ULK4: variants seen among roughly 807,000 people sequenced by gnomAD.
ULK4 encodes unc-51 like kinase 4.
ULK4 carries 133 observed loss-of-function variants against 160.6 expected under a neutral mutation model. The observed-to-expected ratio is 0.83, with a 90% CI of 0.72 to 0.96. The LOEUF (loss-of-function observed/expected upper bound fraction) is 0.96, where lower values mean the gene tolerates loss of function less well. Among genes scored for constraint, ULK4 ranks in the 40% least tolerant of loss-of-function variants. ULK4 has a pLI of 0.00. For missense variants in ULK4, 1,580 were observed against 1,499.5 expected (o/e 1.05, Z -0.89); for synonymous variants, 534 against 539.8 (o/e 0.99, Z 0.15).
At chr3:41,469,615 A>AAAAAAAAAAAAAAC in intron 32 of ULK4, among the ~76,000 whole-genome samples, 1 of 148,202 alleles carries the variant, frequency 6.7e-6, no homozygotes, top group African/African-American at 2.5e-5. Context: ...AAAAAAAAAA[A>AAAAAAAAAAAAAAC]AAAAAAAAAA....
chr3:41,405,976 G>T (rs1575521024), intron 34 of ULK4, among the ~76,000 whole-genome samples: 1 of 152,068 alleles, frequency 6.6e-6, no homozygotes, highest in Non-Finnish European at 1.5e-5. Flanking sequence ...GTTTAATCAG[G>T]TCCTGTCCAT....
chr3:41,721,358 A>T (rs867934381), intron 22 of ULK4, among the ~76,000 whole-genome samples: 102 of 61,248 alleles, frequency 1.7e-3, no homozygotes, highest in African/African-American at 8.8e-3. Flanking sequence ...ATATATATAT[A>T]TATATTTTTT....
intron 35 of ULK4, among the ~76,000 whole-genome samples, chr3:41,305,312 G>A (rs1379755312): frequency 6.6e-6 from 1 of 152,100 alleles, no homozygotes; most frequent in African/African-American, 2.4e-5. Flanking sequence ...TGCCATCTCG[G>A]CTCACTGCAA....
chr3:41,764,212 T>C (rs903705983), intron 21 of ULK4, among the ~76,000 whole-genome samples: 3 of 152,244 alleles, frequency 2.0e-5, no homozygotes, highest in South Asian at 2.1e-4. Flanking sequence ...TGTTTATGTA[T>C]ATTTAAATAC....
At chr3:41,662,250 C>T (rs2035200603) in intron 30 of ULK4, among the ~76,000 whole-genome samples, 1 of 152,210 alleles carries the variant, frequency 6.6e-6, no homozygotes, top group African/African-American at 2.4e-5. Context: ...AAACACTTTG[C>T]TTCCAATTGG....
intron 35 of ULK4, among the ~76,000 whole-genome samples, chr3:41,355,352 T>A (rs2081009262): frequency 6.6e-6 from 1 of 152,144 alleles, no homozygotes; most frequent in Non-Finnish European, 1.5e-5. Flanking sequence ...CCAAAAATGC[T>A]CTTGGGCTTG....
Position 41,376,956 on chromosome 3 carries a change from A to G in ULK4, c.3678+21123T>C, listed in dbSNP as rs200101819. ...AAAAGAACAAAGCTGGAGGCATCAC[A>G]CTACCTGACTTCAAACTATACTACA... On this transcript the variant is annotated intron_variant, in intron 35 of 36. Transcript: ENST00000301831. Among the ~76,000 whole-genome samples, 378 of 150,220 alleles carry G rather than the reference A, an allele frequency of 2.5e-3. 2 individuals are homozygous for G. Among genetic ancestry groups the G allele is most frequent in the East Asian group, 0.013 (61 of 4,818 alleles).
At chr3:41,885,225 T>C (rs1419897258) in intron 16 of ULK4, among the ~76,000 whole-genome samples, 1 of 152,210 alleles carries the variant, frequency 6.6e-6, no homozygotes, top group Non-Finnish European at 1.5e-5. Flanking sequence ...AAAGTAAATA[T>C]TGGCTACCAG....
intron 33 of ULK4, among the ~76,000 whole-genome samples, chr3:41,456,057 T>C (rs187886156): frequency 1.3e-5 from 2 of 152,272 alleles, no homozygotes; most frequent in East Asian, 3.9e-4. Flanking sequence ...TTACAGGCTC[T>C]TGCCACCACA....
intron 32 of ULK4, among the ~76,000 whole-genome samples, chr3:41,517,593 T>C (rs1162773892): frequency 1.3e-5 from 2 of 152,238 alleles, no homozygotes; most frequent in Non-Finnish European, 2.9e-5. Flanking sequence ...CTTTCGGCTA[T>C]TTTGTTATAG....
At chr3:41,460,229 G>A (rs1452560498) in intron 33 of ULK4, among the ~76,000 whole-genome samples, 1 of 152,120 alleles carries the variant, frequency 6.6e-6, no homozygotes, top group Non-Finnish European at 1.5e-5. Flanking sequence ...CCTACTATCA[G>A]GAGGATGAGG....
At chr3:41,595,300 T>C (rs1575463898) in intron 31 of ULK4, among the ~76,000 whole-genome samples, 1 of 152,106 alleles carries the variant, frequency 6.6e-6, no homozygotes, top group Non-Finnish European at 1.5e-5. Context: ...TGCCCACTGA[T>C]CCTGCCGCGG....
At chr3:41,841,498 C>T (rs1281067842) in intron 17 of ULK4, among the ~76,000 whole-genome samples, 1 of 151,360 alleles carries the variant, frequency 6.6e-6, no homozygotes, top group Non-Finnish European at 1.5e-5. Flanking sequence ...CCGGCTGCCC[C>T]ACCTGGGAAG....
chr3:41,306,960 A>G (rs919615766), intron 35 of ULK4, among the ~76,000 whole-genome samples: 3 of 150,902 alleles, frequency 2.0e-5, no homozygotes, highest in African/African-American at 7.3e-5. Context: ...ATGCTCGTTA[A>G]GAGTCATCAC....
At chr3:41,790,231 C>A (rs1326293633) in intron 20 of ULK4, among the ~76,000 whole-genome samples, 10 of 152,322 alleles carry the variant, frequency 6.6e-5, no homozygotes, top group Admixed American at 1.3e-4. Context: ...GAAACACTAT[C>A]TGTAAATATC....
intron 29 of ULK4, among the ~76,000 whole-genome samples, chr3:41,666,669 C>T (rs993363651): frequency 2.0e-5 from 3 of 152,136 alleles, no homozygotes; most frequent in African/African-American, 7.2e-5. Context: ...AGGACGGACC[C>T]ACAAGCCTAT....
At position 41,575,523 on chromosome 3, in the gene ULK4, T is replaced by C. The variant is rs561404431; in HGVS notation, c.3121-9393A>G. On this transcript the variant is annotated intron_variant, in intron 31 of 36. Transcript: ENST00000301831. ...GTATAGATTTAAGCCCCTTCTTTTA[T>C]ATGGGGCATCATCATTTGAAGGCTT... Among the ~76,000 whole-genome samples the C allele has an allele frequency of 9.8e-5, 15 of 152,342 alleles. No individual in the cohort carries two copies. In the South Asian group the frequency reaches 2.5e-3, roughly 25 times the overall value.
intron 21 of ULK4, among the ~76,000 whole-genome samples, chr3:41,780,225 T>A (rs971900708): frequency 2.0e-5 from 3 of 151,868 alleles, no homozygotes; most frequent in Non-Finnish European, 4.4e-5. Context: ...GAAAGACAGC[T>A]TGAGCCCAGG....
chr3:41,560,552 G>A lies in ULK4; in HGVS notation c.3226+5473C>T, dbSNP rs1283963977. On this transcript the variant is annotated intron_variant, in intron 32 of 36. Transcript: ENST00000301831. ...CTTTTACTTCATTGAGCAGTGGTTT[G>A]TAGTTCTCCTTGAAGAGGTTCTTCA... Among the ~76,000 whole-genome samples the A allele has an allele frequency of 4.6e-5, 7 of 152,140 alleles. No individual in the cohort carries two copies. In the East Asian group the frequency reaches 7.7e-4, roughly 17 times the overall value.
Sources: gnomAD v4.1 joint callset for allele counts (sites outside exome capture counted in the v4.1 genomes callset) on GRCh38, gnomAD v4.1.1 for gene constraint, MANE v1.5 for transcripts, NCBI Gene and HGNC (gene_info 2026-07-23, HGNC 2026-07-21) for gene names.